The following USP13 variants were observed in gnomAD, a reference collection of about 807,000 sequenced individuals.
The protein encoded by USP13 is ubiquitin specific peptidase 13, also known as ubiquitin carboxyl-terminal hydrolase 13.
Under a neutral mutation model 107.8 loss-of-function variants are expected in USP13, and 68 were observed. That is an observed-to-expected ratio of 0.63 (90% CI 0.52 to 0.77). The LOEUF (loss-of-function observed/expected upper bound fraction) is 0.77, where lower values mean the gene tolerates loss of function less well. Among genes scored for constraint, USP13 ranks in the 30% least tolerant of loss-of-function variants. USP13 has a pLI of 0.00. For synonymous variants in USP13, 377 were observed against 389.5 expected, an observed-to-expected ratio of 0.97 and a Z score of 0.38; for missense variants, 945 against 1,093.3, an observed-to-expected ratio of 0.86 and a Z score of 1.91.
chr3:179,731,110 G>T (rs1356452550), intron 10 of USP13, among the ~76,000 whole-genome samples: 1 of 152,184 alleles, frequency 6.6e-6, no homozygotes, highest in East Asian at 1.9e-4. Context: ...GAGTCTGGTT[G>T]TTAAAAAACA....
At chr3:179,777,652 A>G (rs1209788155) in intron 19 of USP13, among the ~76,000 whole-genome samples, 2 of 151,114 alleles carry the variant, frequency 1.3e-5, no homozygotes, top group Non-Finnish European at 3.0e-5. Flanking sequence ...GGGTTTTGCC[A>G]TGTTGCCCAG....
At chr3:179,737,967 G>T (rs538594118) in intron 10 of USP13, among the ~76,000 whole-genome samples, 29 of 152,330 alleles carry the variant, frequency 1.9e-4, no homozygotes, top group Admixed American at 1.4e-3. Flanking sequence ...CATAGAACAT[G>T]TGTGTTGGAG....
chr3:179,726,927 C>A (rs1713540261), intron 8 of USP13, among the ~76,000 whole-genome samples: 1 of 152,090 alleles, frequency 6.6e-6, no homozygotes, highest in Admixed American at 6.6e-5. Flanking sequence ...AATCTTCGCC[C>A]CTCGGCTTCC....
At chr3:179,779,407 G>A (rs970733043) in intron 19 of USP13, among the ~76,000 whole-genome samples, 3 of 151,952 alleles carry the variant, frequency 2.0e-5, no homozygotes, top group South Asian at 2.1e-4. Flanking sequence ...GGTGGCACGC[G>A]CCTGTAACAC....
chr3:179,721,295 GA>G lies in USP13; in HGVS notation c.901-100del, dbSNP rs1008768015. 1.0e-5 allele frequency: 13 copies of G among 1,255,590 alleles called. No individual in the cohort carries two copies. The highest frequency in any genetic ancestry group is 3.0e-5 in the African/African-American group (2 of 66,154). The allele number at this position is 1,255,590 out of a possible 1,614,324, so 77.8% of individuals were successfully genotyped here. On this transcript the variant is annotated intron_variant, in intron 7 of 20. Transcript: ENST00000263966. This position sits in a 1 kb window ranked among gnomAD's most constrained non-coding sequence, Gnocchi z 4.3. ...TTGTTTATTTCTCTATGTAATTGGG[GA>G]AAAAAATGGCAGAAACATCCTATGC... is the stretch of plus-strand genomic sequence containing the variant.
At chr3:179,754,173 A>G (rs947144027) in intron 14 of USP13, among the ~76,000 whole-genome samples, 4 of 152,164 alleles carry the variant, frequency 2.6e-5, no homozygotes, top group Non-Finnish European at 5.9e-5. Flanking sequence ...TCCCACTTTG[A>G]ATAAAAAGAT....
chr3:179,658,830 A>G (rs913425374), intron 1 of USP13, among the ~76,000 whole-genome samples: 1 of 152,194 alleles, frequency 6.6e-6, no homozygotes, highest in Non-Finnish European at 1.5e-5. Context: ...ATAGGCACTA[A>G]GCCTGCAAAT....
At chr3:179,677,709 C>G (rs1576918595) in intron 1 of USP13, among the ~76,000 whole-genome samples, 1 of 152,118 alleles carries the variant, frequency 6.6e-6, no homozygotes, top group Non-Finnish European at 1.5e-5. Context: ...TAGAGTATTT[C>G]TATATTTTTC....
chr3:179,733,683 G>T (rs1713885953), intron 10 of USP13, among the ~76,000 whole-genome samples: 1 of 152,202 alleles, frequency 6.6e-6, no homozygotes, highest in Non-Finnish European at 1.5e-5. Flanking sequence ...GGAATGTATG[G>T]TGTGGGGGAG....
chr3:179,788,942 T>A lies in USP13; in HGVS notation c.*4801T>A, dbSNP rs1412384123. ...CAATATATATATGTATGATCCCAATTAAAAGACAAAAGCAAATGAGCCCCA... is the reference window on the plus strand; with the variant it reads ...CAATATATATATGTATGATCCCAATAAAAAGACAAAAGCAAATGAGCCCCA... On this transcript the variant is annotated 3_prime_UTR_variant, in exon 21 of 21. Transcript: ENST00000263966. 2 of 152,152 alleles carry A rather than the reference T, an allele frequency of 1.3e-5. No individual in the cohort carries two copies. The highest frequency in any genetic ancestry group is 1.3e-4 in the Admixed American group (2 of 15,276). The allele number at this position is 152,152 out of a possible 1,614,324, so 9.4% of individuals were successfully genotyped here.
chr3:179,686,958 T>C (rs1207849991), intron 2 of USP13, among the ~76,000 whole-genome samples: 1 of 152,252 alleles, frequency 6.6e-6, no homozygotes, highest in Non-Finnish European at 1.5e-5. Flanking sequence ...TACCTCTTAG[T>C]TATCGGCATT....
chr3:179,730,842 AG>A lies in USP13; in HGVS notation c.1254+136del, dbSNP rs936197113. The A allele has an allele frequency of 5.4e-6, 4 of 746,148 alleles. No individual in the cohort carries two copies. In the African/African-American group the frequency reaches 7.0e-5, roughly 13 times the overall value. The allele number at this position is 746,148 out of a possible 1,614,324, so 46.2% of individuals were successfully genotyped here. On this transcript the variant is annotated intron_variant, in intron 10 of 20. Transcript: ENST00000263966. ...GAATAGTAATGTCATTTCAGTGTCT[AG>A]GGTGCCTGTCTGTATGCTCTTAAAA... is the stretch of plus-strand genomic sequence containing the variant.
intron 11 of USP13, among the ~76,000 whole-genome samples, chr3:179,741,312 T>G (rs948564494): frequency 2.0e-5 from 3 of 152,034 alleles, no homozygotes; most frequent in Admixed American, 1.3e-4. Context: ...GCCTTGCAGG[T>G]TCAAGTGATT....
At chr3:179,664,170 G>T in intron 1 of USP13, among the ~76,000 whole-genome samples, 1 of 151,770 alleles carries the variant, frequency 6.6e-6, no homozygotes. Context: ...GCTCAGGCTG[G>T]AGTGCAGTGG....
rs71726872 is a variant in USP13 at position 179,786,042 on chromosome 3, CAGA to C, written c.*1904_*1906del. 0.16 allele frequency: 24,034 copies of C among 152,140 alleles called. 2,010 individuals are homozygous for C. Among genetic ancestry groups the C allele is most frequent in the East Asian group, 0.21 (1,075 of 5,162 alleles). 9.4% of individuals were successfully genotyped at this position (152,140 alleles called of 1,614,324 possible). A position where few individuals can be genotyped will look rare whatever the true frequency, so the allele number is the denominator to read the frequency against. On this transcript the variant is annotated 3_prime_UTR_variant, in exon 21 of 21. Transcript: ENST00000263966. Reference sequence around the variant, plus strand: ...TCAATTTGGGAACAAATGAGATTGGCAGAAGGAGGGAGCTCACGGTGCAGTACT... The same window carrying C: ...TCAATTTGGGAACAAATGAGATTGGCAGGAGGGAGCTCACGGTGCAGTACT...
chr3:179,714,870 C>CTTTTTTTTT (rs34976120), intron 6 of USP13, among the ~76,000 whole-genome samples: 26 of 137,468 alleles, frequency 1.9e-4, no homozygotes, highest in Admixed American at 3.0e-4. Context: ...TTTCCTTTTT[C>CTTTTTTTTT]TTTTTTTTTT....
At chr3:179,715,663 T>C (rs1713089177) in intron 6 of USP13, among the ~76,000 whole-genome samples, 1 of 151,968 alleles carries the variant, frequency 6.6e-6, no homozygotes, top group Admixed American at 6.6e-5. Context: ...GTGCCCGGCC[T>C]TGTGTTTATT....
rs1720585645 is a variant in USP13, at chr3:179,666,305, G to A, written c.168+12912G>A. On this transcript the variant is annotated intron_variant, in intron 1 of 20. Coordinates refer to ENST00000263966, the MANE Select transcript of USP13 (RefSeq NM_003940.3). Reference sequence around the variant, plus strand: ...AAGTAATTCACATATTGTATCATTTGTGTAAAGCTGCTGAGTTGCTCTTTT... The same window carrying A: ...AAGTAATTCACATATTGTATCATTTATGTAAAGCTGCTGAGTTGCTCTTTT... Among the ~76,000 whole-genome samples, 3 of 152,324 alleles carry A rather than the reference G, an allele frequency of 2.0e-5. No individual in the cohort carries two copies. The South Asian group carries it at 6.2e-4, about 32-fold the overall frequency.
At chr3:179,745,373 A>C (rs868458783) in intron 13 of USP13, among the ~76,000 whole-genome samples, 156 bp downstream of exon 13, 2 of 152,226 alleles carry the variant, frequency 1.3e-5, no homozygotes, top group African/African-American at 4.8e-5. Context: ...ACTGTCGTCA[A>C]ACTTCACTTG....
Sources: gnomAD v4.1 joint callset for allele counts (sites outside exome capture counted in the v4.1 genomes callset) on GRCh38, gnomAD v4.1.1 for gene constraint, Gnocchi (gnomAD v3.1) non-coding constraint, MANE v1.5 for transcripts, NCBI Gene and HGNC (gene_info 2026-07-23, HGNC 2026-07-21) for gene names.